RERG: variants seen among roughly 807,000 people sequenced by gnomAD.
RERG encodes the protein RAS like estrogen regulated growth inhibitor.
Under a neutral mutation model 23.2 loss-of-function variants are expected in RERG, and 25 were observed. The observed-to-expected ratio is 1.08, with a 90% CI of 0.79 to 1.50. The LOEUF (loss-of-function observed/expected upper bound fraction) is 1.50. Ranked by LOEUF, RERG falls within the 40% of genes most tolerant of loss-of-function variation. The pLI is 0.00. For synonymous variants in RERG, 81 were observed against 89.1 expected (o/e 0.91, Z 0.51); for missense variants, 253 against 250.1 (o/e 1.01, Z -0.08).
chr12:15,208,459 G>A (rs919440379), intron 2 of RERG, among the ~76,000 whole-genome samples: 37 of 152,106 alleles, frequency 2.4e-4, no homozygotes, highest in African/African-American at 7.5e-4. Context: ...TTTAAAGCAC[G>A]TGTGGCAAAC....
chr12:15,182,798 T>C (rs984146597), intron 2 of RERG, among the ~76,000 whole-genome samples: 1 of 152,066 alleles, frequency 6.6e-6, no homozygotes, highest in Non-Finnish European at 1.5e-5. Context: ...TATTAAGCCT[T>C]GTGTGGTGGC....
chr12:15,173,115 T>C (rs1469729126), intron 2 of RERG, among the ~76,000 whole-genome samples: 1 of 152,054 alleles, frequency 6.6e-6, no homozygotes, highest in Non-Finnish European at 1.5e-5. Flanking sequence ...GTAGCTCTTA[T>C]TTTTAGGTCT....
chr12:15,124,411 A>G (rs1479210331), intron 2 of RERG, among the ~76,000 whole-genome samples: 1 of 152,126 alleles, frequency 6.6e-6, no homozygotes, highest in African/African-American at 2.4e-5. Flanking sequence ...TTCAAGGTAA[A>G]TGTAAACTAA....
At chr12:15,143,907 G>A (rs532362516) in intron 2 of RERG, among the ~76,000 whole-genome samples, 2 of 152,212 alleles carry the variant, frequency 1.3e-5, no homozygotes, top group East Asian at 1.9e-4. Flanking sequence ...AGCCATCCAT[G>A]TATCTGGGGA....
intron 2 of RERG, among the ~76,000 whole-genome samples, chr12:15,197,755 A>G (rs1247106776): frequency 6.6e-6 from 1 of 152,160 alleles, no homozygotes; most frequent in East Asian, 1.9e-4. Flanking sequence ...TGCACTTTAT[A>G]AATTCCTGAC....
chr12:15,124,687 T>C (rs1863904146), intron 2 of RERG, among the ~76,000 whole-genome samples: 1 of 152,012 alleles, frequency 6.6e-6, no homozygotes, highest in Admixed American at 6.5e-5. Context: ...CTCCAAAACT[T>C]TGTAGCATAC....
In RERG at chr12:15,137,670, A is replaced by T. The variant is rs1864166994; in HGVS notation, c.62-16551T>A. Among the ~76,000 whole-genome samples, 4 of 152,116 alleles carry T rather than the reference A, an allele frequency of 2.6e-5. No homozygotes were observed. In the South Asian group the frequency reaches 8.3e-4, roughly 32 times the overall value. On this transcript the variant is annotated intron_variant, in intron 2 of 4. Coordinates refer to ENST00000256953, the MANE Select transcript of RERG (RefSeq NM_032918.3). The stretch of plus-strand genomic sequence containing the variant: ...GGTAGAGTAATACCTTATAATAATA[A>T]AATAATCCTAATTCCTCCCTCCTGT...
chr12:15,202,305 G>A (rs1395666315), intron 2 of RERG, among the ~76,000 whole-genome samples: 1 of 151,688 alleles, frequency 6.6e-6, no homozygotes, highest in Non-Finnish European at 1.5e-5. Flanking sequence ...TTAAGAACAC[G>A]TGATATGAGA....
chr12:15,186,501 T>C (rs1281784377), intron 2 of RERG, among the ~76,000 whole-genome samples: 1 of 152,000 alleles, frequency 6.6e-6, no homozygotes, highest in East Asian at 1.9e-4. Flanking sequence ...ATTTAGATAG[T>C]CTGGCTTTGA....
intron 2 of RERG, among the ~76,000 whole-genome samples, chr12:15,213,996 A>ATGTGTGTGTGTG (rs59427690): frequency 3.1e-5 from 4 of 130,964 alleles, no homozygotes; most frequent in African/African-American, 1.1e-4. Context: ...CAGAGAAAGT[A>ATGTGTGTGTGTG]TGTGTGTGTG....
intron 2 of RERG, among the ~76,000 whole-genome samples, chr12:15,148,877 T>G (rs1163395061): frequency 2.7e-5 from 3 of 111,970 alleles, no homozygotes; most frequent in Non-Finnish European, 5.3e-5. Flanking sequence ...TTTTTTTTTT[T>G]TTTTTTTTTT....
At chr12:15,127,687 A>G (rs1863972701) in intron 2 of RERG, among the ~76,000 whole-genome samples, 1 of 152,228 alleles carries the variant, frequency 6.6e-6, no homozygotes, top group Non-Finnish European at 1.5e-5. Context: ...TTATTACTGA[A>G]TGAATTAATT....
At chr12:15,117,184 T>A (rs1863738141) in intron 3 of RERG, among the ~76,000 whole-genome samples, 1 of 146,622 alleles carries the variant, frequency 6.8e-6, no homozygotes, top group Non-Finnish European at 1.5e-5. Context: ...GTATGGACAC[T>A]TAGCCAGCAC....
At chr12:15,197,970 G>A (rs546147400) in intron 2 of RERG, among the ~76,000 whole-genome samples, 1 of 152,190 alleles carries the variant, frequency 6.6e-6, no homozygotes, top group Admixed American at 6.5e-5. Flanking sequence ...CTTCCTGTAG[G>A]TCTTGCCCTC....
At chr12:15,167,726 C>T (rs1272582171) in intron 2 of RERG, among the ~76,000 whole-genome samples, 1 of 152,080 alleles carries the variant, frequency 6.6e-6, no homozygotes, top group Non-Finnish European at 1.5e-5. Context: ...TAAATTACAT[C>T]CAAATAAAGC....
chr12:15,197,509 T>A (rs950036248), intron 2 of RERG, among the ~76,000 whole-genome samples: 2 of 152,152 alleles, frequency 1.3e-5, no homozygotes, highest in Non-Finnish European at 2.9e-5. Flanking sequence ...TTGGGAAAGT[T>A]GTTAAACCTA....
chr12:15,145,418 C>G (rs988312543), intron 2 of RERG, among the ~76,000 whole-genome samples: 1 of 152,218 alleles, frequency 6.6e-6, no homozygotes, highest in African/African-American at 2.4e-5. Flanking sequence ...CACCAAATCC[C>G]CTTTGATTAA....
chr12:15,124,347 AAATT>A (rs1863897680), intron 2 of RERG, among the ~76,000 whole-genome samples: 1 of 152,112 alleles, frequency 6.6e-6, no homozygotes, highest in South Asian at 2.1e-4. Context: ...TTTAAAATGA[AAATT>A]AATTAGGTAT....
At chr12:15,157,533 A>C (rs1407155143) in intron 2 of RERG, among the ~76,000 whole-genome samples, 1 of 152,218 alleles carries the variant, frequency 6.6e-6, no homozygotes, top group Non-Finnish European at 1.5e-5. Context: ...CCTGTCCCCT[A>C]AAGTGGTAGA....
Sources: gnomAD v4.1 joint callset for allele counts (sites outside exome capture counted in the v4.1 genomes callset) on GRCh38, gnomAD v4.1.1 for gene constraint, MANE v1.5 for transcripts, NCBI Gene and HGNC (gene_info 2026-07-23, HGNC 2026-07-21) for gene names.